LHFPL4: variants seen among roughly 807,000 people sequenced by gnomAD.
LHFPL4 encodes the protein LHFPL tetraspan subfamily member 4, also known as LHFPL tetraspan subfamily member 4 protein.
LHFPL4 carries 6 observed loss-of-function variants against 20.0 expected under a neutral mutation model. The ratio of observed to expected loss-of-function variants is 0.30; its 90% confidence interval spans 0.16 to 0.59. LHFPL4 has a LOEUF of 0.59. Among genes scored for constraint, LHFPL4 ranks in the 20% least tolerant of loss-of-function variants. The pLI is 0.88. For synonymous variants in LHFPL4, 129 were observed against 143.8 expected, an observed-to-expected ratio of 0.90 and a Z score of 0.74; for missense variants, 215 against 331.2, an observed-to-expected ratio of 0.65 and a Z score of 2.72.
Position 9,505,969 on chromosome 3 carries a change from T to C in LHFPL4, c.641A>G (p.Lys214Arg), listed in dbSNP as rs761016014. Residue 214 changes from lysine to arginine, a missense_variant and splice_region_variant, in exon 3 of 4, where the codon AAA becomes AGA. Around this residue, in one of 2 missense-constraint regions of LHFPL4, gnomAD observed 51 missense variants for 44.5 expected, o/e 1.15. Coordinates refer to ENST00000287585, the MANE Select transcript of LHFPL4 (RefSeq NM_198560.3). ...LLQEELKPENKDFVGSTVSSV... is the reference protein window; with the variant it reads ...LLQEELKPENRDFVGSTVSSV... ...CCCCCAGCCCACAGCACACTCGCCT[T>C]TGTTCTCCGGCTTGAGCTCCTCCTG... is the stretch of plus-strand genomic sequence containing the variant. 1.2e-6 allele frequency: 2 copies of C among 1,613,980 alleles called. No individual in the cohort carries two copies. The highest frequency in any genetic ancestry group is 2.2e-5 in the South Asian group (2 of 91,078).
intron 2 of LHFPL4, among the ~76,000 whole-genome samples, chr3:9,517,617 G>A (rs1319552447): frequency 6.8e-6 from 1 of 146,340 alleles, no homozygotes; most frequent in Non-Finnish European, 1.5e-5. Context: ...GATTGGTTGA[G>A]CCCAGGCCAC....
intron 2 of LHFPL4, among the ~76,000 whole-genome samples, chr3:9,515,760 A>G (rs2046296210): frequency 6.9e-6 from 1 of 145,732 alleles, no homozygotes; most frequent in East Asian, 2.0e-4. Context: ...TCCCTCTGTC[A>G]CCCAGGCTGG....
chr3:9,544,974 T>A (rs543034491), intron 2 of LHFPL4, among the ~76,000 whole-genome samples: 6 of 152,188 alleles, frequency 3.9e-5, no homozygotes, highest in Non-Finnish European at 8.8e-5. Context: ...TCTGTTTTTG[T>A]TCCTGCCTCT....
chr3:9,529,764 C>T (rs2046397644), intron 2 of LHFPL4, among the ~76,000 whole-genome samples: 1 of 151,934 alleles, frequency 6.6e-6, no homozygotes, highest in African/African-American at 2.4e-5. Flanking sequence ...CTCCTGACAG[C>T]TGGGATTACA....
At chr3:9,551,578 T>C (rs1177551722) in intron 2 of LHFPL4, among the ~76,000 whole-genome samples, 1 of 152,170 alleles carries the variant, frequency 6.6e-6, no homozygotes, top group Non-Finnish European at 1.5e-5. Flanking sequence ...TCTCAGGGAC[T>C]CACTCCCATT....
At chr3:9,549,167 G>A (rs1383066552) in intron 2 of LHFPL4, among the ~76,000 whole-genome samples, 1 of 152,050 alleles carries the variant, frequency 6.6e-6, no homozygotes, top group Non-Finnish European at 1.5e-5. Context: ...AAAAACTGCT[G>A]ACTAATATAG....
At chr3:9,545,050 T>C (rs1214906922) in intron 2 of LHFPL4, among the ~76,000 whole-genome samples, 1 of 151,532 alleles carries the variant, frequency 6.6e-6, no homozygotes, top group Non-Finnish European at 1.5e-5. Context: ...GCTAGCACAG[T>C]GCCTGACACA....
At chr3:9,543,473 C>A (rs547849607) in intron 2 of LHFPL4, among the ~76,000 whole-genome samples, 1 of 151,142 alleles carries the variant, frequency 6.6e-6, no homozygotes, top group African/African-American at 2.4e-5. Flanking sequence ...GCACTCCAGC[C>A]TGGGCAACAG....
rs1442477954 is a variant in LHFPL4 at position 9,502,008 on chromosome 3, C to T, written c.*203G>A. 1 of 601,038 alleles carries T rather than the reference C, an allele frequency of 1.7e-6. No individual in the cohort carries two copies. The highest frequency in any genetic ancestry group is 2.8e-5 in the East Asian group (1 of 35,968). The allele number at this position is 601,038 out of a possible 1,614,324, so 37.2% of individuals were successfully genotyped here. A position where few individuals can be genotyped will look rare whatever the true frequency, so the allele number is the denominator to read the frequency against. ...AATTGAGGGAGGAGCAAGAATTAGA[C>T]CCTCCCAAGGTTTGGAGGGCCTCTC... On this transcript the variant is annotated 3_prime_UTR_variant, in exon 4 of 4. Coordinates refer to ENST00000287585, the MANE Select transcript of LHFPL4 (RefSeq NM_198560.3).
intron 3 of LHFPL4, among the ~76,000 whole-genome samples, chr3:9,504,525 T>C (rs1282759358): frequency 6.6e-6 from 1 of 151,996 alleles, no homozygotes; most frequent in Admixed American, 6.6e-5. Flanking sequence ...CTTTGCTTTT[T>C]AAAAAAATAT....
intron 2 of LHFPL4, among the ~76,000 whole-genome samples, chr3:9,540,022 G>A (rs1033447068): frequency 4.0e-4 from 61 of 152,130 alleles, no homozygotes; most frequent in African/African-American, 1.3e-3. Flanking sequence ...TTTGTACAAC[G>A]TCTGTGAAGG....
At chr3:9,552,224 G>A (rs2125669459) in intron 2 of LHFPL4, 50 bp downstream of exon 2, 3 of 1,543,568 alleles carry the variant, frequency 1.9e-6, no homozygotes, top group Middle Eastern at 1.8e-4. Flanking sequence ...GCAGGAAGGA[G>A]CCCCGTCCCT....
intron 2 of LHFPL4, among the ~76,000 whole-genome samples, chr3:9,521,557 C>T (rs1185980533): frequency 1.6e-4 from 25 of 152,032 alleles, no homozygotes; most frequent in South Asian, 4.2e-4. Context: ...CCCGCCACCA[C>T]GCCCGGCTAA....
chr3:9,551,003 G>T (rs909148754), intron 2 of LHFPL4: 1 of 152,176 alleles, frequency 6.6e-6, no homozygotes, highest in African/African-American at 2.4e-5. Flanking sequence ...ATGACCCATC[G>T]TATTCTCTAT....
intron 2 of LHFPL4, among the ~76,000 whole-genome samples, chr3:9,525,832 A>G (rs1286830956): frequency 1.3e-5 from 2 of 152,200 alleles, no homozygotes; most frequent in African/African-American, 2.4e-5. Context: ...GTATTAATTC[A>G]TTGTTACCTC....
chr3:9,551,023 G>C (rs1479015657), intron 2 of LHFPL4: 1 of 152,136 alleles, frequency 6.6e-6, no homozygotes, highest in East Asian at 1.9e-4. Flanking sequence ...TACTTGATCT[G>C]GAGTGACTTC....
intron 2 of LHFPL4, among the ~76,000 whole-genome samples, chr3:9,528,280 T>C (rs1377526649): frequency 6.6e-6 from 1 of 152,218 alleles, no homozygotes; most frequent in Non-Finnish European, 1.5e-5. Flanking sequence ...ACTAAGTTTA[T>C]GTAATATTTT....
intron 2 of LHFPL4, among the ~76,000 whole-genome samples, chr3:9,517,801 G>GTT (rs1162876826): frequency 1.7e-4 from 13 of 75,612 alleles, no homozygotes; most frequent in African/African-American, 5.2e-4. Flanking sequence ...GGGTTTTTTT[G>GTT]TTTTTTGTTT....
chr3:9,508,646 A>G (rs1446502401), intron 2 of LHFPL4, among the ~76,000 whole-genome samples: 1 of 152,216 alleles, frequency 6.6e-6, no homozygotes, highest in East Asian at 1.9e-4. Context: ...TTAACAGGGC[A>G]GGAGGAGGAA....
Sources: allele counts gnomAD v4.1 joint callset (sites outside exome capture counted in the v4.1 genomes callset), GRCh38; gene constraint gnomAD v4.1.1; regional missense constraint gnomAD v4.1.1; transcripts MANE v1.5; gene names NCBI Gene and HGNC (gene_info 2026-07-23, HGNC 2026-07-21).